Variants in GLIS2 observed in about 807,000 individuals in gnomAD.
GLIS2 encodes zinc finger protein GLIS2.
Under a neutral mutation model 35.6 loss-of-function variants are expected in GLIS2, and 14 were observed. That is an observed-to-expected ratio of 0.39 (90% CI 0.26 to 0.61). The LOEUF (loss-of-function observed/expected upper bound fraction) is 0.61. Among genes scored for constraint, GLIS2 ranks in the 20% least tolerant of loss-of-function variants. GLIS2 has a pLI of 0.48. For missense variants in GLIS2, 675 were observed against 713.4 expected, an observed-to-expected ratio of 0.95 and a Z score of 0.61; for synonymous variants, 368 against 325.1, an observed-to-expected ratio of 1.13 and a Z score of -1.42.
rs2053578776 is a variant in GLIS2 at position 4,338,109 on chromosome 16, A to AGGACAAGGG, written c.*593_*594insGGGACAAGG. 1 of 165,402 alleles carries AGGACAAGGG rather than the reference A, an allele frequency of 6.0e-6. No individual in the cohort carries two copies. The highest frequency in any genetic ancestry group is 1.3e-5 in the Non-Finnish European group (1 of 75,710). 10.2% of individuals were successfully genotyped at this position (165,402 alleles called of 1,614,324 possible). On this transcript the variant is annotated 3_prime_UTR_variant, in exon 7 of 7. Transcript: ENST00000433375. ...AGCCCCAGGTAGAAGCATGCCCCCC[A>AGGACAAGGG]GGACAAGGCGCCTCCCACTAGTTAG...
intron 1 of GLIS2, among the ~76,000 whole-genome samples, chr16:4,316,479 C>G (rs2141117311): frequency 6.6e-6 from 1 of 152,028 alleles, no homozygotes; most frequent in East Asian, 2.0e-4. Context: ...AGCTCTCGGT[C>G]TTTCTTCTCC....
At chr16:4,323,073 G>A (rs935735302) in intron 1 of GLIS2, among the ~76,000 whole-genome samples, 4 of 152,232 alleles carry the variant, frequency 2.6e-5, no homozygotes, top group African/African-American at 4.8e-5. Context: ...CTGTACATCC[G>A]GGGGTGCTGT....
chr16:4,320,913 A>C lies in GLIS2; in HGVS notation c.-67+4659A>C, dbSNP rs1364539052. ...CCTAGTGGTCACCCTGCTTGGTTCT[A>C]GGGCCACTGGGCCCCGAGGGCCTGG... is the stretch of plus-strand genomic sequence containing the variant. On this transcript the variant is annotated intron_variant, in intron 1 of 6. Transcript: ENST00000433375. This position sits in a 1 kb window ranked among gnomAD's most constrained non-coding sequence, Gnocchi z 5.6. Among the ~76,000 whole-genome samples the C allele has an allele frequency of 7.2e-5, 11 of 152,040 alleles. No individual in the cohort carries two copies. The highest frequency in any genetic ancestry group is 1.3e-4 in the Non-Finnish European group (9 of 67,980).
chr16:4,336,458 G>C, intron 6 of GLIS2: 1 of 604,952 alleles, frequency 1.7e-6, no homozygotes, highest in East Asian at 2.8e-5. Flanking sequence ...CCAAGGCCAT[G>C]TTCTGCTGCT....
intron 1 of GLIS2, among the ~76,000 whole-genome samples, chr16:4,322,234 G>A (rs1209477614): frequency 6.6e-6 from 1 of 152,098 alleles, no homozygotes; most frequent in African/African-American, 2.4e-5. Context: ...ACTCTTCTGT[G>A]TAGAGCCCTC....
At chr16:4,315,677 T>TGGCGTGAGGATGGGGCC, upstream of GLIS2, among the ~76,000 whole-genome samples, 1 of 119,008 alleles carries the variant, frequency 8.4e-6, no homozygotes, top group East Asian at 2.4e-4. Context: ...GGGGGGGGGG[T>TGGCGTGAGGATGGGGCC]GGCGTGAGGA....
intron 6 of GLIS2, chr16:4,336,126 C>T: frequency 5.1e-6 from 1 of 194,920 alleles, no homozygotes; most frequent in South Asian, 1.0e-4. Context: ...GCGCCTCGTG[C>T]CAGGATGTGA....
rs776689106 is a variant in GLIS2 at position 4,335,166 on chromosome 16, C to T, written c.629C>T (p.Ala210Val). ...AGYCCHWEGC[A>V]RHGRGFNARY... is the part of the protein sequence containing the mutation. ...TACTGCTGCCACTGGGAGGGCTGCG[C>T]CCGCCATGGCCGAGGTTTCAACGCC... The change falls in exon 5 of 7, where the codon GCC becomes GTC. Residue 210 changes from alanine to valine, a missense_variant. Coordinates refer to ENST00000433375, the MANE Select transcript of GLIS2 (RefSeq NM_032575.3). This position sits in a 1 kb window ranked among gnomAD's most constrained non-coding sequence, Gnocchi z 4.6. The T allele has an allele frequency of 4.3e-6, 7 of 1,613,410 alleles. No individual in the cohort carries two copies. The East Asian group carries it at 1.6e-4, about 36-fold the overall frequency.
rs769466452 is a variant in GLIS2, at chr16:4,334,816, C to T, written c.361C>T (p.Arg121Cys). 7.9e-5 allele frequency: 127 copies of T among 1,613,312 alleles called. No homozygotes were observed. Among genetic ancestry groups the T allele is most frequent in the African/African-American group, 1.1e-4 (8 of 74,864 alleles). ...CGCACCCCAGGACTTCCAGCCACTG[C>T]GCTATTTGGATGGTGTCCCCAGCTC... is the stretch of plus-strand genomic sequence containing the variant. The part of the protein sequence containing the change: ...VPSASDFQPL[R>C]YLDGVPSSFQ... The change falls in exon 4 of 7, where the codon CGC becomes TGC. Residue 121 changes from arginine to cysteine, a missense_variant. By Grantham distance (180) the Arg-to-Cys change is radical. Around this residue, in one of 3 missense-constraint regions of GLIS2, gnomAD observed 225 missense variants for 238.7 expected, o/e 0.94. Transcript: ENST00000433375.
rs2053309713 is a variant in GLIS2, at chr16:4,316,245, C to T, written c.-76C>T. Among the ~76,000 whole-genome samples, 1 of 145,104 alleles carries T rather than the reference C, an allele frequency of 6.9e-6. No individual in the cohort carries two copies. Among genetic ancestry groups the T allele is most frequent in the Non-Finnish European group, 1.5e-5 (1 of 65,308 alleles). On this transcript the variant is annotated 5_prime_UTR_variant, in exon 1 of 7. Transcript: ENST00000433375. ...CCGCAGCCCGGATCCCGACCGCCCC[C>T]GCCGCTGAGGTAGGAAGCCCCCCGG...
At chr16:4,316,505 C>G (rs1295079045) in intron 1 of GLIS2, among the ~76,000 whole-genome samples, 1 of 151,820 alleles carries the variant, frequency 6.6e-6, no homozygotes, top group Non-Finnish European at 1.5e-5. Flanking sequence ...TCCTTCCCTC[C>G]GTCTGGAGGC....
At chr16:4,324,869 G>T in intron 1 of GLIS2, 1 of 152,382 alleles carries the variant, frequency 6.6e-6, no homozygotes. Context: ...TAGCAGAGCC[G>T]GGTGGGGCCC....
Position 4,336,749 on chromosome 16 carries a change from A to C in GLIS2, c.800A>C (p.Tyr267Ser). 1 of 1,607,954 alleles carries C rather than the reference A, an allele frequency of 6.2e-7. No homozygotes were observed. The change falls in exon 7 of 7, where the codon TAC becomes TCC. Residue 267 changes from tyrosine to serine, a missense_variant. By Grantham distance (144) the Tyr-to-Ser change is moderately radical (BLOSUM62 -2). This residue lies in a region of GLIS2 where 133 missense variants were observed against 191.4 expected (regional missense o/e 0.69). Coordinates refer to ENST00000433375, the MANE Select transcript of GLIS2 (RefSeq NM_032575.3). ...HTGEKPYVCP[Y>S]EGCNKRYSNS... ...GGTGAGAAGCCCTACGTCTGCCCCT[A>C]CGAGGGCTGCAACAAGCGCTATTCC...
chr16:4,337,253 C>G lies in GLIS2; in HGVS notation c.1304C>G (p.Ala435Gly). 6.5e-7 allele frequency: 1 copy of G among 1,548,466 alleles called. No homozygotes were observed. Among genetic ancestry groups the G allele is most frequent in the Non-Finnish European group, 8.7e-7 (1 of 1,147,384 alleles). The change falls in exon 7 of 7, where the codon GCT becomes GGT. Residue 435 changes from alanine (A) to glycine (G), a missense_variant. Ala to Gly is a moderately conservative substitution (Grantham distance 60, BLOSUM62 0). Around this residue, in one of 3 missense-constraint regions of GLIS2, gnomAD observed 317 missense variants for 283.2 expected, o/e 1.12. Coordinates refer to ENST00000433375, the MANE Select transcript of GLIS2 (RefSeq NM_032575.3). ...GLGLPVVSLL[A>G]GAAGGKAEGE... is the part of the protein sequence containing the mutation. Reference sequence around the variant, plus strand: ...GGCTTGCCTGTGGTCTCCCTCCTTGCTGGCGCAGCTGGTGGCAAGGCCGAG... The same window carrying G: ...GGCTTGCCTGTGGTCTCCCTCCTTGGTGGCGCAGCTGGTGGCAAGGCCGAG...
rs150533464 is a variant in GLIS2, at chr16:4,318,956, A to G, written c.-67+2702A>G. On this transcript the variant is annotated intron_variant, in intron 1 of 6. Transcript: ENST00000433375. ...GGGTGGCGACAGCTGTGACTGGGGG[A>G]CCAGATGTGGAGCTCTTGTGGGGCA... is the stretch of plus-strand genomic sequence containing the variant. Among the ~76,000 whole-genome samples, 773 of 152,026 alleles carry G rather than the reference A, an allele frequency of 5.1e-3. 8 individuals are homozygous for G. Among genetic ancestry groups the G allele is most frequent in the African/African-American group, 0.018 (735 of 41,438 alleles).
chr16:4,332,389 C>CA lies in GLIS2; in HGVS notation c.110dup (p.His37GlnfsTer9). On this transcript the variant is annotated frameshift_variant, in exon 2 of 7. Transcript: ENST00000433375. LOFTEE classifies it high-confidence loss of function. The surrounding 1 kb of genome is among the most constrained non-coding windows in gnomAD (Gnocchi z 5.4). ...GGGTGTGGTCCGGCCCCGTGCTCTGCACAGGGAGCTGGGCCTGGTGGATGA... is the reference window on the plus strand; with the variant it reads ...GGGTGTGGTCCGGCCCCGTGCTCTGCAACAGGGAGCTGGGCCTGGTGGATGA... 1 of 1,612,974 alleles carries CA rather than the reference C, an allele frequency of 6.2e-7. No individual in the cohort carries two copies. The highest frequency in any genetic ancestry group is 8.5e-7 in the Non-Finnish European group (1 of 1,180,014).
intron 1 of GLIS2, among the ~76,000 whole-genome samples, 23 bp downstream of exon 1, chr16:4,316,277 C>G (rs2141117028): frequency 7.3e-6 from 1 of 136,516 alleles, no homozygotes; most frequent in Admixed American, 7.1e-5. Context: ...CCGGGCGTCG[C>G]GCCGTGGGGA....
At position 4,335,725 on chromosome 16, in the gene GLIS2, G is replaced by C; in HGVS notation, c.775+332G>C. On this transcript the variant is annotated intron_variant, in intron 6 of 6. Coordinates refer to ENST00000433375, the MANE Select transcript of GLIS2 (RefSeq NM_032575.3). This position sits in a 1 kb window ranked among gnomAD's most constrained non-coding sequence, Gnocchi z 4.6. ...CCAGGCCCATACCAGGACAGCTCTG[G>C]TTGTCAGAGCCACAGACATAATTTT... 1 of 347,586 alleles carries C rather than the reference G, an allele frequency of 2.9e-6. No individual in the cohort carries two copies. Among genetic ancestry groups the C allele is most frequent in the Non-Finnish European group, 5.4e-6 (1 of 186,050 alleles). 21.5% of individuals were successfully genotyped at this position (347,586 alleles called of 1,614,324 possible).
intron 3 of GLIS2, 24 bp downstream of exon 3, chr16:4,333,543 A>G (rs376955976): frequency 6.3e-7 from 1 of 1,598,008 alleles, no homozygotes; most frequent in Non-Finnish European, 8.5e-7. Context: ...AGAGTTCCGG[A>G]GAGAGGGGTG....
Sources: allele counts gnomAD v4.1 joint callset (sites outside exome capture counted in the v4.1 genomes callset), GRCh38; gene constraint gnomAD v4.1.1; regional missense constraint gnomAD v4.1.1; non-coding constraint Gnocchi (gnomAD v3.1); transcripts MANE v1.5; gene names NCBI Gene and HGNC (gene_info 2026-07-23, HGNC 2026-07-21).